The following TEX11 variants were observed in gnomAD, a reference collection of about 807,000 sequenced individuals.
TEX11 encodes testis-expressed protein 11.
A neutral mutation model predicts 84.4 loss-of-function variants in TEX11; 7 were observed. The ratio of observed to expected loss-of-function variants is 0.08; its 90% confidence interval spans 0.05 to 0.16. TEX11 has a LOEUF of 0.16. Among genes scored for constraint, TEX11 ranks in the 10% least tolerant of loss-of-function variants. The pLI is 1.00. For synonymous variants in TEX11, 264 were observed against 222.8 expected (o/e 1.18, Z -1.64); for missense variants, 551 against 660.5 (o/e 0.83, Z 1.82).
intron 25 of TEX11, among the ~76,000 whole-genome samples, chrX:70,576,693 C>T (rs182128306): frequency 2.4e-4 from 27 of 112,188 alleles, no homozygotes; most frequent in East Asian, 8.4e-4. Context: ...ATGTGCTAGG[C>T]GCACAATACA....
intron 25 of TEX11, among the ~76,000 whole-genome samples, chrX:70,591,291 A>G (rs1475467434): frequency 1.8e-5 from 2 of 110,928 alleles, no homozygotes; most frequent in Non-Finnish European, 3.8e-5. Context: ...TAGAGTGGGG[A>G]AAAAATCAGC....
At chrX:70,738,499 T>A (rs1016142559) in intron 11 of TEX11, among the ~76,000 whole-genome samples, 4 of 112,106 alleles carry the variant, frequency 3.6e-5, no homozygotes, top group Non-Finnish European at 7.5e-5. Flanking sequence ...ACACTTTTGG[T>A]GGTAGTGTAA....
At chrX:70,732,073 T>C (rs1486850266) in intron 11 of TEX11, among the ~76,000 whole-genome samples, 1 of 111,950 alleles carries the variant, frequency 8.9e-6, no homozygotes, top group East Asian at 2.8e-4. Context: ...TCTCAATAGA[T>C]GCAGAAAAGG....
At chrX:70,531,607 C>A (rs1316842588) in intron 28 of TEX11, among the ~76,000 whole-genome samples, 2 of 111,172 alleles carry the variant, frequency 1.8e-5, no homozygotes. Flanking sequence ...ATAGGCAAAG[C>A]CATAGAGACA....
chrX:70,828,353 G>T (rs2091358293), intron 8 of TEX11, among the ~76,000 whole-genome samples: 1 of 110,504 alleles, frequency 9.0e-6, no homozygotes. Context: ...ACACAAAGAA[G>T]GAATTCAGAA....
intron 2 of TEX11, among the ~76,000 whole-genome samples, chrX:70,888,435 G>A (rs1471162416): frequency 8.9e-6 from 1 of 112,489 alleles, no homozygotes; most frequent in Non-Finnish European, 1.9e-5. Context: ...CTAGCATACT[G>A]AAGAAAGCAT....
chrX:70,855,458 C>T (rs751396937), intron 5 of TEX11, among the ~76,000 whole-genome samples: 1 of 109,301 alleles, frequency 9.1e-6, no homozygotes, highest in South Asian at 4.0e-4. Context: ...CCCAGCTCCT[C>T]AGGAGACTGA....
chrX:70,812,209 AT>A (rs60068893), intron 8 of TEX11, among the ~76,000 whole-genome samples: 18 of 101,044 alleles, frequency 1.8e-4, no homozygotes, highest in Non-Finnish European at 2.4e-4. Context: ...TCTTGAATTA[AT>A]TTTTTTTTTT....
In TEX11 at chrX:70,583,921, T is replaced by C. The variant is rs1290960370; in HGVS notation, c.2140+7830A>G. The stretch of plus-strand genomic sequence containing the variant: ...AACTCTTGATTTTACCTTCCAAAAA[T>C]TGAATCACAAATAGAGATTACTATG... On this transcript the variant is annotated intron_variant, in intron 25 of 29. Transcript: ENST00000374333. 2.7e-5 allele frequency among the ~76,000 whole-genome samples: 3 copies of C among 111,984 alleles called. No individual in the cohort carries two copies. The Middle Eastern group carries it at 0.014, about 511-fold the overall frequency.
chrX:70,836,949 G>A (rs992956164), intron 7 of TEX11, among the ~76,000 whole-genome samples: 8 of 110,866 alleles, frequency 7.2e-5, no homozygotes, highest in East Asian at 2.9e-4. Context: ...CCTGGGAGGC[G>A]GAGGTTGCAG....
At chrX:70,721,988 AAT>A (rs1053124910) in intron 13 of TEX11, among the ~76,000 whole-genome samples, 5 of 112,156 alleles carry the variant, frequency 4.5e-5, no homozygotes, top group African/African-American at 1.6e-4. Flanking sequence ...GCTGAAATTT[AAT>A]AGTTTATAAA....
intron 16 of TEX11, among the ~76,000 whole-genome samples, chrX:70,653,848 C>G (rs781288584): frequency 9.0e-6 from 1 of 111,702 alleles, no homozygotes; most frequent in East Asian, 2.8e-4. Flanking sequence ...AAATATTATT[C>G]AGCACTAAAA....
chrX:70,898,458 A>G (rs1382947409), intron 2 of TEX11, among the ~76,000 whole-genome samples: 7 of 111,902 alleles, frequency 6.3e-5, no homozygotes, highest in Admixed American at 2.9e-4. Context: ...AAAAAGCACA[A>G]TGAATTCAAA....
chrX:70,731,532 G>A (rs1396145582), intron 11 of TEX11, among the ~76,000 whole-genome samples: 3 of 111,622 alleles, frequency 2.7e-5, no homozygotes, highest in South Asian at 3.8e-4. Flanking sequence ...ACACCTCCAC[G>A]CAAATAAACT....
chrX:70,604,209 A>T (rs761190659), intron 24 of TEX11, among the ~76,000 whole-genome samples: 70 of 112,100 alleles, frequency 6.2e-4, no homozygotes, highest in South Asian at 3.0e-3. Context: ...CAAACTCAGG[A>T]TTACCAACCA....
chrX:70,726,409 A>G (rs1230965787), intron 11 of TEX11, among the ~76,000 whole-genome samples: 2 of 111,949 alleles, frequency 1.8e-5, no homozygotes, highest in Non-Finnish European at 3.8e-5. Flanking sequence ...TCTTAAAACT[A>G]CACTTCCAGA....
At chrX:70,740,667 A>C (rs1335466888) in intron 11 of TEX11, 34 bp downstream of exon 11, 1 of 1,012,111 alleles carries the variant, frequency 9.9e-7, no homozygotes. Context: ...CAAAAAATAC[A>C]TTAAGTTAGT....
At chrX:70,581,459 C>G (rs905331204) in intron 25 of TEX11, among the ~76,000 whole-genome samples, 1 of 109,241 alleles carries the variant, frequency 9.2e-6, no homozygotes, top group Non-Finnish European at 1.9e-5. Flanking sequence ...CCACCACACC[C>G]GGCTAATTTT....
intron 9 of TEX11, 22 bp from the exon 10 acceptor site, chrX:70,744,241 A>G: frequency 1.6e-6 from 1 of 636,581 alleles, no homozygotes; most frequent in Middle Eastern, 6.3e-4. Flanking sequence ...AAGGAAAAAA[A>G]ATATATATAT....
Sources: allele counts gnomAD v4.1 joint callset (sites outside exome capture counted in the v4.1 genomes callset), GRCh38; gene constraint gnomAD v4.1.1; transcripts MANE v1.5; gene names NCBI Gene and HGNC (gene_info 2026-07-23, HGNC 2026-07-21).